The following NR1H3 variants were observed in gnomAD, a reference collection of about 807,000 sequenced individuals.
NR1H3 encodes nuclear receptor subfamily 1 group H member 3.
Under a neutral mutation model 48.1 loss-of-function variants are expected in NR1H3, and 19 were observed. That is an observed-to-expected ratio of 0.40 (90% confidence interval 0.28 to 0.58). The LOEUF is 0.58. NR1H3 is among the 20% of genes least tolerant of loss of function. The probability of loss-of-function intolerance (pLI) is 0.50; values close to 1 mark genes in which losing one functional copy is unlikely to be tolerated. For synonymous variants in NR1H3, 232 were observed against 227.3 expected, an observed-to-expected ratio of 1.02 and a Z score of -0.19; for missense variants, 486 against 595.9, an observed-to-expected ratio of 0.82 and a Z score of 1.92.
intron 4 of NR1H3, 55 bp downstream of exon 4, chr11:47,260,730 G>A: frequency 6.5e-7 from 1 of 1,528,710 alleles, no homozygotes; most frequent in South Asian, 1.2e-5. Flanking sequence ...GGGGGCCAGG[G>A]TGTGACCCAA....
rs1366139528 is a variant in NR1H3 at position 47,259,960 on chromosome 11, G to T, written c.213G>T (p.Glu71Asp). 9 of 1,548,334 alleles carry T rather than the reference G, an allele frequency of 5.8e-6. No individual in the cohort carries two copies. Among genetic ancestry groups the T allele is most frequent in the Admixed American group, 2.1e-5 (1 of 48,638 alleles). ...AEPTALLTRA[E>D]PPSEPTEIRP... ...CCACAGCCCTGCTCACCAGGGCAGA[G>T]CCCCCTTCAGAACCCACAGGTGAGG... Residue 71 changes from glutamate to aspartate, a missense_variant, in exon 3 of 10, where the codon GAG becomes GAT. Transcript: ENST00000441012.
intron 7 of NR1H3, among the ~76,000 whole-genome samples, chr11:47,263,606 C>CTTT (rs563452264): frequency 7.6e-6 from 1 of 132,384 alleles, no homozygotes; most frequent in African/African-American, 2.8e-5. Flanking sequence ...TTTTTCTTTT[C>CTTT]TTTTTTTTTT....
At chr11:47,253,860 CTG>C (rs1038090556), upstream of NR1H3, among the ~76,000 whole-genome samples, 1 of 152,168 alleles carries the variant, frequency 6.6e-6, no homozygotes, top group African/African-American at 2.4e-5. Flanking sequence ...GACCTAACAA[CTG>C]TGGGCTGGTG....
intron 7 of NR1H3, among the ~76,000 whole-genome samples, chr11:47,263,527 C>T (rs1009292650): frequency 1.3e-5 from 2 of 151,622 alleles, no homozygotes; most frequent in Non-Finnish European, 2.9e-5. Context: ...CCACCCACCT[C>T]GGCCTCCCAA....
In NR1H3 at chr11:47,268,943, C is replaced by G; in HGVS notation, c.*247C>G. Reference sequence around the variant, plus strand: ...CACAAACGGATGGGCCTGGGGGCCACTTTGCACAGGGTTCTCCAGAGCCCT... The same window carrying G: ...CACAAACGGATGGGCCTGGGGGCCAGTTTGCACAGGGTTCTCCAGAGCCCT... On this transcript the variant is annotated 3_prime_UTR_variant, in exon 10 of 10. Coordinates refer to ENST00000441012, the MANE Select transcript of NR1H3 (RefSeq NM_005693.4). 2 of 513,820 alleles carry G rather than the reference C, an allele frequency of 3.9e-6. No individual in the cohort carries two copies. Among genetic ancestry groups the G allele is most frequent in the Non-Finnish European group, 6.9e-6 (2 of 288,434 alleles). 31.8% of individuals were successfully genotyped at this position (513,820 alleles called of 1,614,324 possible). A position where few individuals can be genotyped will look rare whatever the true frequency, so the allele number is the denominator to read the frequency against.
At chr11:47,262,460 A>G (rs556198925) in intron 7 of NR1H3, among the ~76,000 whole-genome samples, 14 of 151,380 alleles carry the variant, frequency 9.2e-5, no homozygotes, top group Admixed American at 6.6e-4. Flanking sequence ...CTGACTCCCA[A>G]AGTGCTGGGA....
chr11:47,263,605 T>C (rs1253933368), intron 7 of NR1H3, among the ~76,000 whole-genome samples: 2 of 147,550 alleles, frequency 1.4e-5, no homozygotes, highest in East Asian at 2.0e-4. Context: ...TTTTTTCTTT[T>C]CTTTTTTTTT....
chr11:47,248,935 C>A, exon 1 of NR1H3: 1 of 1,534,644 alleles, frequency 6.5e-7, no homozygotes. Flanking sequence ...GGGGAAAAGG[C>A]GCAGTCTCGG....
chr11:47,259,841 G>C lies in NR1H3; in HGVS notation c.94G>C (p.Ala32Pro). Residue 32 changes from alanine to proline, a missense_variant, in exon 3 of 10, where the codon GCC becomes CCC. Ala to Pro is a conservative substitution (Grantham distance 27). Transcript: ENST00000441012. ...KPGAQDASSQ[A>P]QGGSSCILRE... Reference sequence around the variant, plus strand: ...AGGCGCACAGGATGCAAGCAGCCAGGCCCAGGGAGGCAGCAGCTGCATCCT... The same window carrying C: ...AGGCGCACAGGATGCAAGCAGCCAGCCCCAGGGAGGCAGCAGCTGCATCCT... 6.2e-7 allele frequency: 1 copy of C among 1,612,504 alleles called. No homozygotes were observed. The highest frequency in any genetic ancestry group is 1.1e-5 in the South Asian group (1 of 91,008).
At position 47,268,035 on chromosome 11, in the gene NR1H3, G is replaced by A; in HGVS notation, c.1102+9G>A. ...CAGCATCTTCTCTGCAGGTGTGGAG[G>A]AGGGGCAATGGGAAACAGCAAGAGA... On this transcript the variant is annotated intron_variant, in intron 8 of 9. Transcript: ENST00000441012. 1 of 1,599,872 alleles carries A rather than the reference G, an allele frequency of 6.3e-7. No homozygotes were observed. The highest frequency in any genetic ancestry group is 1.7e-5 in the Admixed American group (1 of 59,986).
intron 7 of NR1H3, among the ~76,000 whole-genome samples, chr11:47,264,806 A>G (rs1468041419): frequency 1.3e-5 from 2 of 152,196 alleles, no homozygotes; most frequent in African/African-American, 4.8e-5. Context: ...TCCCCTCCCT[A>G]TCCGCTACTA....
At chr11:47,268,054 C>A in intron 8 of NR1H3, 28 bp downstream of exon 8, 1 of 1,527,310 alleles carries the variant, frequency 6.5e-7, no homozygotes, top group Non-Finnish European at 9.0e-7. Context: ...TGGGAAACAG[C>A]AAGAGACTTA....
At chr11:47,255,537 TTCTTTTTCTTTCTTTCTTTC>T (rs1379177156), upstream of NR1H3, among the ~76,000 whole-genome samples, 946 of 124,124 alleles carry the variant, frequency 7.6e-3, 7 homozygotes, top group Non-Finnish European at 0.012. Context: ...CTTTCTTTCT[TTCTTTTTCTTTCTTTCTTTC>T]TTTCTTTCTT....
At chr11:47,252,983 C>T (rs1954787386) in intron 1 of NR1H3, among the ~76,000 whole-genome samples, 1 of 111,114 alleles carries the variant, frequency 9.0e-6, no homozygotes, top group South Asian at 3.0e-4. Context: ...TTTTTTGAGA[C>T]AGTCTCCCTC....
At chr11:47,248,787 C>T (rs1954347739), upstream of NR1H3, 1 of 1,592,174 alleles carries the variant, frequency 6.3e-7, no homozygotes, top group South Asian at 1.1e-5. Context: ...GCTTGCCCGC[C>T]ATCACCGTTG....
chr11:47,259,416 C>T, intron 2 of NR1H3, 157 bp downstream of exon 2: 1 of 1,566,968 alleles, frequency 6.4e-7, no homozygotes, highest in Non-Finnish European at 8.7e-7. Flanking sequence ...ATCACCTCTC[C>T]CCTGGTTCCA....
At chr11:47,262,664 C>A (rs996907299) in intron 7 of NR1H3, among the ~76,000 whole-genome samples, 1 of 152,050 alleles carries the variant, frequency 6.6e-6, no homozygotes, top group Non-Finnish European at 1.5e-5. Flanking sequence ...AGGTGCACCA[C>A]CATGCCCAGC....
At chr11:47,255,600 TCTC>T (rs1955061270), upstream of NR1H3, among the ~76,000 whole-genome samples, 1 of 99,282 alleles carries the variant, frequency 1.0e-5, no homozygotes. Context: ...TTTCTTTCTC[TCTC>T]TCTCTCTCTC....
intron 1 of NR1H3, among the ~76,000 whole-genome samples, chr11:47,249,312 C>A (rs913018821): frequency 2.0e-5 from 3 of 152,072 alleles, no homozygotes; most frequent in African/African-American, 7.2e-5. Flanking sequence ...TGTAAACAAC[C>A]CTTTGGACTC....
Sources: gnomAD v4.1 joint callset for allele counts (sites outside exome capture counted in the v4.1 genomes callset) on GRCh38, gnomAD v4.1.1 for gene constraint, MANE v1.5 for transcripts, NCBI Gene and HGNC (gene_info 2026-07-23, HGNC 2026-07-21) for gene names.